Variants in HEATR3 observed in about 807,000 individuals in gnomAD.
HEATR3 encodes the protein HEAT repeat containing 3.
A neutral mutation model predicts 72.8 loss-of-function variants in HEATR3; 56 were observed. The observed-to-expected ratio is 0.77, with a 90% confidence interval of 0.62 to 0.96. The LOEUF (loss-of-function observed/expected upper bound fraction) is 0.96. Ranked by LOEUF, HEATR3 falls within the 40% of genes least tolerant of loss-of-function variation. HEATR3 has a pLI of 0.00. For missense variants in HEATR3, 747 were observed against 831.4 expected (o/e 0.90, Z 1.25); for synonymous variants, 331 against 318.1 (o/e 1.04, Z -0.43).
intron 3 of HEATR3, 125 bp downstream of exon 3, chr16:50,068,992 C>T: frequency 1.5e-6 from 1 of 660,662 alleles, no homozygotes; most frequent in Non-Finnish European, 2.7e-6. Flanking sequence ...ATTCCTTTTC[C>T]TGGAAACACC....
chr16:50,101,148 A>T (rs2037356895), intron 13 of HEATR3, among the ~76,000 whole-genome samples: 1 of 147,494 alleles, frequency 6.8e-6, no homozygotes. Flanking sequence ...AGTCTCAGTC[A>T]CCCAGGCTGG....
intron 6 of HEATR3, among the ~76,000 whole-genome samples, chr16:50,076,459 A>T (rs1290245254): frequency 3.3e-5 from 5 of 152,134 alleles, no homozygotes; most frequent in African/African-American, 1.2e-4. Flanking sequence ...AAGTGCTGGG[A>T]TTACAGGTAT....
Position 50,102,225 on chromosome 16 carries a change from G to A in HEATR3, c.1744-34G>A, listed in dbSNP as rs533244798. 1.2e-5 allele frequency: 19 copies of A among 1,583,692 alleles called. No homozygotes were observed. The African/African-American group carries it at 2.0e-4, about 17-fold the overall frequency. ...GTTGGTACTTGTTTTGGAGACTGGT[G>A]TTAGTCATACTAAATGTGTTTTGTT... On this transcript the variant is annotated intron_variant, in intron 13 of 14. Transcript: ENST00000299192.
chr16:50,094,781 GA>G lies in HEATR3; in HGVS notation c.1589del (p.Asn530ThrfsTer6). On this transcript the variant is annotated frameshift_variant, in exon 12 of 15. Transcript: ENST00000299192. LOFTEE classifies it high-confidence loss of function. The stretch of plus-strand genomic sequence containing the variant: ...CCCTTTTGCAAACAATGGCCTCCAA[GA>G]ACATTTCCCAGGTAAGAGTTTTAAA... Reference protein sequence around the residue: ...RALLQTMASKNISQCMTPDQL... With the variant: ...RALLQTMASKXISQCMTPDQL... 1 of 1,593,350 alleles carries G rather than the reference GA, an allele frequency of 6.3e-7. No homozygotes were observed. Among genetic ancestry groups the G allele is most frequent in the South Asian group, 1.1e-5 (1 of 87,020 alleles).
chr16:50,084,400 G>A lies in HEATR3; in HGVS notation c.1290+109G>A, dbSNP rs114563876. On this transcript the variant is annotated intron_variant, in intron 9 of 14. Transcript: ENST00000299192. ...CTCACACTTCCAGGTTGTAGATGGT[G>A]GTAAGATCTGAGACAAAGCTGAGCC... The A allele has an allele frequency of 9.0e-4, 1,220 of 1,355,188 alleles. 14 individuals carry two copies. The African/African-American group carries it at 0.016, about 18-fold the overall frequency. 83.9% of individuals were successfully genotyped at this position (1,355,188 alleles called of 1,614,324 possible).
At chr16:50,100,099 C>A in intron 12 of HEATR3, 131 bp from the exon 13 acceptor site, 1 of 643,706 alleles carries the variant, frequency 1.6e-6, no homozygotes, top group Non-Finnish European at 2.2e-6. Context: ...TAGTAACTTA[C>A]CTGCCAGGAG....
In HEATR3 at chr16:50,105,483, A is replaced by C. The variant is rs1052951278; in HGVS notation, c.*422A>C. On this transcript the variant is annotated 3_prime_UTR_variant, in exon 15 of 15. Transcript: ENST00000299192. The stretch of plus-strand genomic sequence containing the variant: ...TCTCCAAAAAAAAAAAAAAAAAAAA[A>C]CTTCAAAACCTGTCAGAAACTCTGT... 4.5e-5 allele frequency: 7 copies of C among 154,868 alleles called. No homozygotes were observed. Among genetic ancestry groups the C allele is most frequent in the Non-Finnish European group, 7.1e-5 (5 of 70,544 alleles). 9.6% of individuals were successfully genotyped at this position (154,868 alleles called of 1,614,324 possible).
In HEATR3 at chr16:50,102,378, G is replaced by A. The variant is rs1299156829; in HGVS notation, c.1863G>A (p.Ser621=). The A allele has an allele frequency of 1.1e-5, 18 of 1,613,954 alleles. No individual in the cohort carries two copies. Among genetic ancestry groups the A allele is most frequent in the Admixed American group, 1.7e-5 (1 of 59,982 alleles). Residue 621 remains serine, a synonymous_variant, in exon 14 of 15, where the codon TCG becomes TCA. Transcript: ENST00000299192. ...FADGKEAERA[S]IQIKLLSALK... Reference sequence around the variant, plus strand: ...ATGGTAAAGAAGCCGAAAGAGCCTCGATTCAAATTAAATTATTATCTGCTC... The same window carrying A: ...ATGGTAAAGAAGCCGAAAGAGCCTCAATTCAAATTAAATTATTATCTGCTC...
At position 50,086,342 on chromosome 16, in the gene HEATR3, T is replaced by C; in HGVS notation, c.1501T>C (p.Ser501Pro). 2 of 1,604,036 alleles carry C rather than the reference T, an allele frequency of 1.2e-6. No individual in the cohort carries two copies. Among genetic ancestry groups the C allele is most frequent in the Non-Finnish European group, 1.7e-6 (2 of 1,175,446 alleles). ...LAQHLSQLLFSQPDFAKHVDF... is the reference protein window; with the variant it reads ...LAQHLSQLLFPQPDFAKHVDF... ...ACAGCATCTGTCACAGCTGCTTTTTTCTCAACCAGGTATTTAGACTTTATT... is the reference window on the plus strand; with the variant it reads ...ACAGCATCTGTCACAGCTGCTTTTTCCTCAACCAGGTATTTAGACTTTATT... Residue 501 changes from serine (S) to proline (P), a missense_variant, in exon 11 of 15, where the codon TCT (serine) becomes CCT (proline). Physicochemically the swap from Ser to Pro is moderately conservative, Grantham distance 74 (BLOSUM62 -1). This residue lies in a region of HEATR3 where 586 missense variants were observed against 708.8 expected (regional missense o/e 0.83). Transcript: ENST00000299192.
At chr16:50,092,418 C>CTTTTTT (rs1208535220) in intron 11 of HEATR3, among the ~76,000 whole-genome samples, 1 of 81,474 alleles carries the variant, frequency 1.2e-5, no homozygotes, top group Admixed American at 1.4e-4. Context: ...CCAGGTCATT[C>CTTTTTT]TTTTTTTTTT....
chr16:50,066,000 T>C lies in HEATR3; in HGVS notation c.-132T>C, dbSNP rs2150591548. On this transcript the variant is annotated 5_prime_UTR_variant, in exon 1 of 15. Transcript: ENST00000299192. The stretch of plus-strand genomic sequence containing the variant: ...ACGCGCCGTGCGCCTGCGCACGGCT[T>C]GCCCATGTGTGCTGCAGCCGTCAGC... 1.7e-6 allele frequency: 1 copy of C among 577,644 alleles called. No homozygotes were observed. The highest frequency in any genetic ancestry group is 2.1e-5 in the South Asian group (1 of 48,068). 35.8% of individuals were successfully genotyped at this position (577,644 alleles called of 1,614,324 possible). A position where few individuals can be genotyped will look rare whatever the true frequency, so the allele number is the denominator to read the frequency against.
At chr16:50,086,912 A>G (rs1221242257) in intron 11 of HEATR3, among the ~76,000 whole-genome samples, 5 of 152,186 alleles carry the variant, frequency 3.3e-5, no homozygotes, top group African/African-American at 1.2e-4. Context: ...CTGGGCAACA[A>G]GAGCAAAACT....
chr16:50,068,778 A>G lies in HEATR3; in HGVS notation c.312-2A>G, dbSNP rs2036551699. The stretch of plus-strand genomic sequence containing the variant: ...AAAACATGTTTTAAACTTCTTGTGT[A>G]GAAATCTCAGTGCTTGTGGAGGTTT... On this transcript the variant is annotated splice_acceptor_variant, in intron 2 of 14. Coordinates refer to ENST00000299192, the MANE Select transcript of HEATR3 (RefSeq NM_182922.4). LOFTEE classifies it high-confidence loss of function. 2 of 1,611,202 alleles carry G rather than the reference A, an allele frequency of 1.2e-6. No individual in the cohort carries two copies. The highest frequency in any genetic ancestry group is 8.5e-7 in the Non-Finnish European group (1 of 1,177,532).
chr16:50,070,929 G>A (rs1049949345), intron 4 of HEATR3, among the ~76,000 whole-genome samples: 1 of 152,166 alleles, frequency 6.6e-6, no homozygotes, highest in African/African-American at 2.4e-5. Context: ...AAGCTGGTCA[G>A]TCCCACATGC....
chr16:50,076,865 ATTTTTTT>A (rs756365677), intron 6 of HEATR3, among the ~76,000 whole-genome samples: 6 of 106,390 alleles, frequency 5.6e-5, no homozygotes, highest in African/African-American at 2.3e-4. Flanking sequence ...ACACCTGGCT[ATTTTTTT>A]TTTTTTTTTT....
chr16:50,087,628 C>T (rs911630258), intron 11 of HEATR3, among the ~76,000 whole-genome samples: 7 of 152,134 alleles, frequency 4.6e-5, no homozygotes, highest in African/African-American at 1.2e-4. Flanking sequence ...ATTGCTGGAG[C>T]GAGGGTAGCC....
rs1021986526 is a variant in HEATR3 at position 50,107,203 on chromosome 16, C to G, written c.*2142C>G. 1.3e-5 allele frequency among the ~76,000 whole-genome samples: 2 copies of G among 152,200 alleles called. No individual in the cohort carries two copies. Among genetic ancestry groups the G allele is most frequent in the African/African-American group, 4.8e-5 (2 of 41,452 alleles). ...TAAACAATATCCAGGATATTTAGCACAGGACCTAGTATATAGTCGACTCTT... is the reference window on the plus strand; with the variant it reads ...TAAACAATATCCAGGATATTTAGCAGAGGACCTAGTATATAGTCGACTCTT... On this transcript the variant is annotated 3_prime_UTR_variant, in exon 15 of 15. Coordinates refer to ENST00000299192, the MANE Select transcript of HEATR3 (RefSeq NM_182922.4).
At chr16:50,079,162 A>AT in intron 7 of HEATR3, 144 bp downstream of exon 7, 2 of 753,870 alleles carry the variant, frequency 2.7e-6, no homozygotes, top group Non-Finnish European at 4.2e-6. Flanking sequence ...TTTCCTGTTG[A>AT]TTCTCTTTAT....
At chr16:50,080,463 C>T (rs1167966836) in intron 7 of HEATR3, among the ~76,000 whole-genome samples, 1 of 151,806 alleles carries the variant, frequency 6.6e-6, no homozygotes, top group Non-Finnish European at 1.5e-5. Flanking sequence ...GCCTTAGCCT[C>T]CCAAGTAGCT....
Sources: allele counts gnomAD v4.1 joint callset (sites outside exome capture counted in the v4.1 genomes callset), GRCh38; gene constraint gnomAD v4.1.1; regional missense constraint gnomAD v4.1.1; transcripts MANE v1.5; gene names NCBI Gene and HGNC (gene_info 2026-07-23, HGNC 2026-07-21).